TCF7L2: variants seen among roughly 807,000 people sequenced by gnomAD.
TCF7L2 encodes transcription factor 7 like 2.
In TCF7L2, 23 loss-of-function variants were observed where a neutral mutation model predicts 77.9. The ratio of observed to expected loss-of-function variants is 0.30; its 90% confidence interval spans 0.21 to 0.42. The LOEUF (loss-of-function observed/expected upper bound fraction) is 0.42, where lower values mean the gene tolerates loss of function less well. Ranked by LOEUF, TCF7L2 falls within the 10% of genes least tolerant of loss-of-function variation. The probability of loss-of-function intolerance (pLI) is 1.00; values close to 1 mark genes in which losing one functional copy is unlikely to be tolerated. For missense variants in TCF7L2, 654 were observed against 793.1 expected (o/e 0.82, Z 2.11); for synonymous variants, 413 against 340.2 (o/e 1.21, Z -2.36).
At chr10:113,144,750 T>C (rs562298799) in intron 7 of TCF7L2, among the ~76,000 whole-genome samples, 2 of 152,226 alleles carry the variant, frequency 1.3e-5, no homozygotes, top group Non-Finnish European at 2.9e-5. Context: ...TCCTAGCTCC[T>C]GGCAGTGCCC....
intron 4 of TCF7L2, among the ~76,000 whole-genome samples, chr10:113,039,459 G>A (rs1232725376): frequency 6.6e-6 from 1 of 152,146 alleles, no homozygotes; most frequent in Non-Finnish European, 1.5e-5. Flanking sequence ...AAGTTTTGTT[G>A]AGTAAACTTG....
intron 5 of TCF7L2, 88 bp from the exon 6 acceptor site, chr10:113,141,096 G>T (rs2136827272): frequency 6.4e-7 from 1 of 1,551,208 alleles, no homozygotes. Flanking sequence ...AGAGGCTGTG[G>T]CCAAGGGAAC....
In TCF7L2 at chr10:113,167,391, A is replaced by T. The variant is rs931674416; in HGVS notation, c.*1419A>T. On this transcript the variant is annotated 3_prime_UTR_variant, in exon 14 of 14. Transcript: ENST00000627217. The stretch of plus-strand genomic sequence containing the variant: ...GCATGTTGATGTTGCAAAATGCTGT[A>T]TAAAGCTGAAACCTGTTCATTCAGT... 1.3e-5 allele frequency: 3 copies of T among 225,984 alleles called. No homozygotes were observed. Among genetic ancestry groups the T allele is most frequent in the African/African-American group, 4.5e-5 (2 of 44,930 alleles). 14.0% of individuals were successfully genotyped at this position (225,984 alleles called of 1,614,324 possible). A position where few individuals can be genotyped will look rare whatever the true frequency, so the allele number is the denominator to read the frequency against.
chr10:113,117,532 T>A (rs2064016608), intron 5 of TCF7L2, among the ~76,000 whole-genome samples: 1 of 151,902 alleles, frequency 6.6e-6, no homozygotes, highest in African/African-American at 2.4e-5. Flanking sequence ...TTCCCTTCTC[T>A]CACAGCACGT....
chr10:113,007,129 T>G (rs2045691674), intron 4 of TCF7L2, among the ~76,000 whole-genome samples: 1 of 152,180 alleles, frequency 6.6e-6, no homozygotes, highest in Non-Finnish European at 1.5e-5. Context: ...GAGCCCAAGT[T>G]TGTTGGATGA....
chr10:112,997,312 T>C (rs2043655845), intron 4 of TCF7L2, among the ~76,000 whole-genome samples: 1 of 152,244 alleles, frequency 6.6e-6, no homozygotes, highest in Non-Finnish European at 1.5e-5. Flanking sequence ...AAAAGTTTGC[T>C]TGTCTTGATT....
At chr10:113,058,877 G>A (rs754280396) in intron 5 of TCF7L2, among the ~76,000 whole-genome samples, 9 of 152,156 alleles carry the variant, frequency 5.9e-5, no homozygotes, top group African/African-American at 9.7e-5. Context: ...CTTGCATTCC[G>A]TAGCTGCTGC....
At chr10:113,070,994 G>C (rs2057936069) in intron 5 of TCF7L2, among the ~76,000 whole-genome samples, 1 of 152,100 alleles carries the variant, frequency 6.6e-6, no homozygotes, top group Non-Finnish European at 1.5e-5. Context: ...CTGCATCTAT[G>C]GATTTGCCTA....
intron 5 of TCF7L2, among the ~76,000 whole-genome samples, chr10:113,120,682 C>G (rs894866332): frequency 6.6e-6 from 1 of 152,028 alleles, no homozygotes; most frequent in Non-Finnish European, 1.5e-5. Flanking sequence ...TTGCACCGAG[C>G]ACAAGAAAAT....
intron 5 of TCF7L2, among the ~76,000 whole-genome samples, chr10:113,049,970 T>A (rs987638195): frequency 6.6e-6 from 1 of 152,178 alleles, no homozygotes; most frequent in Non-Finnish European, 1.5e-5. Context: ...TTCAATGTTG[T>A]ATCCTGAGTG....
chr10:113,118,992 G>A (rs1188591505), intron 5 of TCF7L2, among the ~76,000 whole-genome samples: 2 of 152,112 alleles, frequency 1.3e-5, no homozygotes, highest in South Asian at 2.1e-4. Context: ...GTTATCAGGC[G>A]CTGTCATTCG....
At chr10:112,996,819 C>G (rs1377741510) in intron 4 of TCF7L2, among the ~76,000 whole-genome samples, 1 of 152,160 alleles carries the variant, frequency 6.6e-6, no homozygotes, top group Non-Finnish European at 1.5e-5. Context: ...GTCTAGGGTT[C>G]TAGAGGTGGG....
intron 5 of TCF7L2, among the ~76,000 whole-genome samples, chr10:113,076,801 G>A (rs1247166392): frequency 6.6e-6 from 1 of 152,200 alleles, no homozygotes; most frequent in Non-Finnish European, 1.5e-5. Flanking sequence ...GCCTTTGGGA[G>A]CACAGGATGT....
intron 5 of TCF7L2, among the ~76,000 whole-genome samples, chr10:113,057,020 C>A (rs1174359280): frequency 6.6e-6 from 1 of 152,200 alleles, no homozygotes; most frequent in Non-Finnish European, 1.5e-5. Context: ...GACCACAAAC[C>A]ACTTATAACA....
At chr10:113,104,226 G>T (rs546517083) in intron 5 of TCF7L2, among the ~76,000 whole-genome samples, 3 of 152,320 alleles carry the variant, frequency 2.0e-5, no homozygotes, top group South Asian at 2.1e-4. Context: ...GGAACATCAC[G>T]CTGGAGGGGT....
chr10:113,031,557 G>A (rs2050217872), intron 4 of TCF7L2, among the ~76,000 whole-genome samples: 1 of 148,236 alleles, frequency 6.7e-6, no homozygotes, highest in Non-Finnish European at 1.5e-5. Context: ...GCACAATCTT[G>A]GCTCACTATA....
intron 4 of TCF7L2, among the ~76,000 whole-genome samples, chr10:113,026,081 G>A (rs943667813): frequency 1.3e-5 from 2 of 151,628 alleles, no homozygotes; most frequent in Admixed American, 6.6e-5. Context: ...GTTTCGCCAC[G>A]TTGGCCAGGC....
chr10:112,952,028 T>G (rs892960839), intron 3 of TCF7L2, among the ~76,000 whole-genome samples: 4 of 152,014 alleles, frequency 2.6e-5, no homozygotes, highest in Non-Finnish European at 5.9e-5. Flanking sequence ...CTCCTTCTCT[T>G]CCTTCCCTCT....
intron 4 of TCF7L2, among the ~76,000 whole-genome samples, chr10:113,020,933 ACT>A (rs2048176428): frequency 6.6e-6 from 1 of 152,014 alleles, no homozygotes; most frequent in African/African-American, 2.4e-5. Flanking sequence ...GGAGAGACTA[ACT>A]CTCTGCTCAT....
Sources: gnomAD v4.1 joint callset for allele counts (sites outside exome capture counted in the v4.1 genomes callset) on GRCh38, gnomAD v4.1.1 for gene constraint, MANE v1.5 for transcripts, NCBI Gene and HGNC (gene_info 2026-07-23, HGNC 2026-07-21) for gene names.